EXTL3: variants seen among roughly 807,000 people sequenced by gnomAD.
EXTL3 encodes exostosin like glycosyltransferase 3.
In EXTL3, 27 loss-of-function variants were observed where a neutral mutation model predicts 69.3. That is an observed-to-expected ratio of 0.39 (90% CI 0.29 to 0.54). EXTL3 has a LOEUF of 0.54. Among genes scored for constraint, EXTL3 ranks in the 20% least tolerant of loss-of-function variants. The pLI, the probability that EXTL3 is intolerant of heterozygous loss-of-function variation, is 0.69. For synonymous variants in EXTL3, 511 were observed against 499.4 expected, an observed-to-expected ratio of 1.02 and a Z score of -0.31; for missense variants, 1,003 against 1,231.8, an observed-to-expected ratio of 0.81 and a Z score of 2.78.
At chr8:28,704,174 A>G (rs1744947805) in intron 1 of EXTL3, among the ~76,000 whole-genome samples, 1 of 152,206 alleles carries the variant, frequency 6.6e-6, no homozygotes, top group South Asian at 2.1e-4. Context: ...ACTCATTACT[A>G]ACATACTTCC....
intron 1 of EXTL3, among the ~76,000 whole-genome samples, chr8:28,627,228 A>G (rs1806506219): frequency 6.7e-6 from 1 of 149,992 alleles, no homozygotes. Flanking sequence ...ATTCCCCTTG[A>G]GGCTGGGCGC....
intron 1 of EXTL3, among the ~76,000 whole-genome samples, chr8:28,711,304 G>T (rs549952552): frequency 6.6e-6 from 1 of 151,950 alleles, no homozygotes; most frequent in Non-Finnish European, 1.5e-5. Context: ...CTGCTTTTCT[G>T]TTTTCGATTT....
At chr8:28,742,886 G>C (rs139404213) in intron 5 of EXTL3, 200 bp from the exon 6 acceptor site, 712 of 628,480 alleles carry the variant, frequency 1.1e-3, no homozygotes, top group Non-Finnish European at 1.9e-3. Context: ...GATGATGGCA[G>C]TTTGAATGGG....
chr8:28,723,598 C>A (rs1368238385), intron 3 of EXTL3, among the ~76,000 whole-genome samples: 1 of 149,186 alleles, frequency 6.7e-6, no homozygotes, highest in Non-Finnish European at 1.5e-5. Flanking sequence ...CTTCAGGTCA[C>A]TTGACTAACT....
At chr8:28,756,466 T>C (rs1209855895), downstream of EXTL3, among the ~76,000 whole-genome samples, 1 of 152,238 alleles carries the variant, frequency 6.6e-6, no homozygotes, top group African/African-American at 2.4e-5. Flanking sequence ...TAGTATTCCC[T>C]TGTATGAATT....
At chr8:28,664,452 G>T (rs926247502) in intron 1 of EXTL3, among the ~76,000 whole-genome samples, 1 of 152,090 alleles carries the variant, frequency 6.6e-6, no homozygotes, top group African/African-American at 2.4e-5. Context: ...ACGTGATCAT[G>T]GCTCACAGAC....
At chr8:28,737,495 G>C (rs376747953) in intron 4 of EXTL3, 24 bp from the exon 5 acceptor site, 23 of 1,613,766 alleles carry the variant, frequency 1.4e-5, no homozygotes, top group Non-Finnish European at 1.9e-5. Flanking sequence ...ATTCAGGTCT[G>C]TGTATGCACT....
At chr8:28,674,264 G>A (rs1274106442) in intron 1 of EXTL3, among the ~76,000 whole-genome samples, 1 of 152,072 alleles carries the variant, frequency 6.6e-6, no homozygotes, top group Non-Finnish European at 1.5e-5. Context: ...TAGAGACAAG[G>A]GTCTTGCCAT....
At chr8:28,655,597 T>C (rs1199877759) in intron 1 of EXTL3, among the ~76,000 whole-genome samples, 1 of 151,604 alleles carries the variant, frequency 6.6e-6, no homozygotes, top group Admixed American at 6.6e-5. Flanking sequence ...GCTTAGGCGA[T>C]CTTCCCACCT....
intron 1 of EXTL3, among the ~76,000 whole-genome samples, chr8:28,657,104 A>AT (rs1016489333): frequency 8.0e-5 from 12 of 150,792 alleles, no homozygotes; most frequent in East Asian, 7.8e-4. Flanking sequence ...CACCCAGCTA[A>AT]TTTTTTTTTG....
At chr8:28,648,656 G>A (rs1352101712) in intron 1 of EXTL3, among the ~76,000 whole-genome samples, 1 of 151,172 alleles carries the variant, frequency 6.6e-6, no homozygotes, top group Non-Finnish European at 1.5e-5. Flanking sequence ...GGCCACTACT[G>A]TCCTGAGTGA....
rs747658857 is a variant in EXTL3, at chr8:28,716,141, C to T, written c.82C>T (p.Arg28Cys). 16 of 1,614,026 alleles carry T rather than the reference C, an allele frequency of 9.9e-6. No individual in the cohort carries two copies. The highest frequency in any genetic ancestry group is 1.6e-4 in the Middle Eastern group (1 of 6,062). ...CATGCTGCGCTGGTCCAACCGCATCCGCCTCACGTGGCTCAGCTTCACGCT... is the reference window on the plus strand; with the variant it reads ...CATGCTGCGCTGGTCCAACCGCATCTGCCTCACGTGGCTCAGCTTCACGCT... ...TCMLRWSNRI[R>C]LTWLSFTLFV... The change falls in exon 3 of 7, where the codon CGC (arginine) becomes TGC (cysteine). Residue 28 changes from arginine (R) to cysteine (C), a missense_variant. Arg to Cys is a radical substitution (Grantham distance 180, BLOSUM62 -3). This residue lies in a region of EXTL3 where 742 missense variants were observed against 815.4 expected (regional missense o/e 0.91). Coordinates refer to ENST00000220562, the MANE Select transcript of EXTL3 (RefSeq NM_001440.4). The surrounding 1 kb of genome is among the most constrained non-coding windows in gnomAD (Gnocchi z 7.1).
intron 1 of EXTL3, among the ~76,000 whole-genome samples, chr8:28,632,718 A>G (rs1393095403): frequency 1.3e-5 from 2 of 151,640 alleles, no homozygotes; most frequent in East Asian, 4.0e-4. Context: ...ACACCCAGCT[A>G]ATTTTTGTAT....
intron 2 of EXTL3, among the ~76,000 whole-genome samples, chr8:28,608,074 C>T (rs1451475126): frequency 6.7e-6 from 1 of 150,258 alleles, no homozygotes; most frequent in African/African-American, 2.5e-5. Context: ...CGTGCCACTG[C>T]ACTCCAGCCT....
intron 2 of EXTL3, among the ~76,000 whole-genome samples, chr8:28,617,688 G>A (rs1238521466): frequency 6.6e-6 from 1 of 152,212 alleles, no homozygotes; most frequent in Non-Finnish European, 1.5e-5. Context: ...GGAGGCTCAG[G>A]TGGGAGAATC....
At chr8:28,741,463 T>C (rs893752612) in intron 5 of EXTL3, 1 of 151,968 alleles carries the variant, frequency 6.6e-6, no homozygotes, top group African/African-American at 2.4e-5. Flanking sequence ...TTCTTACTCT[T>C]TTTTTTTGAG....
intron 3 of EXTL3, among the ~76,000 whole-genome samples, chr8:28,718,435 A>C (rs983389472): frequency 6.6e-6 from 1 of 152,166 alleles, no homozygotes; most frequent in African/African-American, 2.4e-5. Context: ...GAGGATCCCC[A>C]AAACTGAAAC....
At position 28,743,226 on chromosome 8, in the gene EXTL3, C is replaced by A; in HGVS notation, c.2550+12C>A. On this transcript the variant is annotated intron_variant, in intron 6 of 6. Coordinates refer to ENST00000220562, the MANE Select transcript of EXTL3 (RefSeq NM_001440.4). ...AGCCCCCCATCAAGGTGAGGTCCCA[C>A]CACTGGTGGGGCTGTGGATGCGTGC... 6.2e-7 allele frequency: 1 copy of A among 1,614,184 alleles called. No individual in the cohort carries two copies. The highest frequency in any genetic ancestry group is 8.5e-7 in the Non-Finnish European group (1 of 1,180,012).
intron 4 of EXTL3, among the ~76,000 whole-genome samples, chr8:28,735,051 A>G (rs2283102): frequency 0.27 from 41,284 of 151,876 alleles, 5,974 homozygotes; most frequent in Middle Eastern, 0.35. Context: ...AACCAAGTCT[A>G]TTGACAGCTG....
Sources: gnomAD v4.1 joint callset for allele counts (sites outside exome capture counted in the v4.1 genomes callset) on GRCh38, gnomAD v4.1.1 for gene constraint, gnomAD v4.1.1 regional missense constraint, Gnocchi (gnomAD v3.1) non-coding constraint, MANE v1.5 for transcripts, NCBI Gene and HGNC (gene_info 2026-07-23, HGNC 2026-07-21) for gene names.